Variants in STMND1 observed in about 807,000 individuals in gnomAD.
STMND1 encodes the protein stathmin domain containing 1, also known as stathmin domain-containing protein 1.
STMND1 carries 17 observed loss-of-function variants against 23.0 expected under a neutral mutation model. The ratio of observed to expected loss-of-function variants is 0.74; its 90% CI spans 0.51 to 1.11. The LOEUF (loss-of-function observed/expected upper bound fraction) is 1.11. Ranked by LOEUF, STMND1 falls within the 50% of genes least tolerant of loss-of-function variation. STMND1 has a pLI of 0.00. For synonymous variants in STMND1, 114 were observed against 119.9 expected, an observed-to-expected ratio of 0.95 and a Z score of 0.32; for missense variants, 305 against 329.1, an observed-to-expected ratio of 0.93 and a Z score of 0.57.
intron 4 of STMND1, among the ~76,000 whole-genome samples, chr6:17,129,647 A>C (rs1226449590): frequency 1.3e-5 from 2 of 152,056 alleles, no homozygotes; most frequent in Non-Finnish European, 2.9e-5. Context: ...GATTGAGACC[A>C]TCCTGGCTAA....
chr6:17,104,885 TG>T (rs2113470564), intron 1 of STMND1, among the ~76,000 whole-genome samples: 2 of 152,322 alleles, frequency 1.3e-5, no homozygotes, highest in Admixed American at 1.3e-4. Flanking sequence ...ATTTGTAAAA[TG>T]AGGGCAGTAA....
At chr6:17,103,556 G>T (rs1760972089) in intron 1 of STMND1, among the ~76,000 whole-genome samples, 2 of 145,298 alleles carry the variant, frequency 1.4e-5, no homozygotes, top group Non-Finnish European at 3.0e-5. Context: ...TCTGTATAGG[G>T]ACCCATTACC....
rs765701384 is a variant in STMND1 at position 17,102,369 on chromosome 6, A to AACAGACAG, written c.81+33_81+40dup. 7.5e-4 allele frequency: 1,138 copies of AACAGACAG among 1,508,488 alleles called. 57 individuals carry two copies. Among genetic ancestry groups the AACAGACAG allele is most frequent in the Non-Finnish European group, 9.3e-4 (1,052 of 1,126,730 alleles). The allele number at this position is 1,508,488 out of a possible 1,614,324, so 93.4% of individuals were successfully genotyped here. ...AAACAAACAAACAAACAAACAAACA[A>AACAGACAG]ACAGACAGAAAGCCTTTTGCCTGGG... On this transcript the variant is annotated intron_variant, in intron 1 of 4. Transcript: ENST00000536551.
At chr6:17,123,222 C>G (rs1477077461) in intron 3 of STMND1, among the ~76,000 whole-genome samples, 1 of 152,072 alleles carries the variant, frequency 6.6e-6, no homozygotes, top group African/African-American at 2.4e-5. Context: ...AAAATAATAA[C>G]TGTGGGCTGG....
intron 3 of STMND1, chr6:17,128,080 T>C (rs2113495484): frequency 6.6e-6 from 1 of 152,336 alleles, no homozygotes; most frequent in South Asian, 2.1e-4. Context: ...AGATGATTTA[T>C]GTATCAGTTA....
rs185396160 is a variant in STMND1, at chr6:17,104,092, T to G, written c.81+1754T>G. 2.6e-5 allele frequency among the ~76,000 whole-genome samples: 4 copies of G among 152,288 alleles called. No individual in the cohort carries two copies. The East Asian group carries it at 7.7e-4, about 29-fold the overall frequency. On this transcript the variant is annotated intron_variant, in intron 1 of 4. Coordinates refer to ENST00000536551, the MANE Select transcript of STMND1 (RefSeq NM_001190766.2). ...TTGGATCTGCTAAACCAAATGACTC[T>G]CAGGGCTCAGTTCTTCCAGGCATCT...
chr6:17,107,459 A>T (rs545044235), intron 1 of STMND1, among the ~76,000 whole-genome samples: 1 of 152,346 alleles, frequency 6.6e-6, no homozygotes, highest in East Asian at 1.9e-4. Context: ...AGTTCATAAA[A>T]TGTAGAAACA....
At chr6:17,116,753 A>G (rs1405135229) in intron 2 of STMND1, among the ~76,000 whole-genome samples, 1 of 152,166 alleles carries the variant, frequency 6.6e-6, no homozygotes, top group Admixed American at 6.5e-5. Flanking sequence ...ATATTTCTTA[A>G]GACTATCAAG....
In STMND1 at chr6:17,115,210, T is replaced by A. The variant is rs1581369749; in HGVS notation, c.259+71T>A. The A allele has an allele frequency of 1.6e-5, 22 of 1,406,472 alleles. No individual in the cohort carries two copies. The East Asian group carries it at 5.6e-4, about 36-fold the overall frequency. 87.1% of individuals were successfully genotyped at this position (1,406,472 alleles called of 1,614,324 possible). ...GTTTCTCTAAATACGTTTACAAGGTTTCTTTGGTGGTCCTTTTATCATTGC... is the reference window on the plus strand; with the variant it reads ...GTTTCTCTAAATACGTTTACAAGGTATCTTTGGTGGTCCTTTTATCATTGC... On this transcript the variant is annotated intron_variant, in intron 2 of 4. Transcript: ENST00000536551.
At chr6:17,109,291 A>G (rs1033813725) in intron 1 of STMND1, among the ~76,000 whole-genome samples, 1 of 152,224 alleles carries the variant, frequency 6.6e-6, no homozygotes, top group Non-Finnish European at 1.5e-5. Context: ...CCTCAACACA[A>G]TGAACTGATA....
chr6:17,115,704 T>C (rs1248987724), intron 2 of STMND1, among the ~76,000 whole-genome samples: 1 of 152,224 alleles, frequency 6.6e-6, no homozygotes, highest in African/African-American at 2.4e-5. Context: ...CTGGTGTCCA[T>C]TTAAGTCATC....
chr6:17,125,216 A>G (rs952477213), intron 3 of STMND1, among the ~76,000 whole-genome samples: 1 of 152,048 alleles, frequency 6.6e-6, no homozygotes, highest in Non-Finnish European at 1.5e-5. Flanking sequence ...TTAAGAAGGT[A>G]AGTATCAGAT....
chr6:17,118,197 G>C (rs945216921), intron 2 of STMND1, among the ~76,000 whole-genome samples: 1 of 152,028 alleles, frequency 6.6e-6, no homozygotes, highest in African/African-American at 2.4e-5. Context: ...AAATTCACCC[G>C]TGTTTTCTTG....
intron 1 of STMND1, chr6:17,110,925 A>T (rs1561922416): frequency 2.2e-6 from 1 of 454,944 alleles, no homozygotes; most frequent in East Asian, 7.0e-5. Flanking sequence ...CATCCATTGA[A>T]ATGAGAAGTG....
At chr6:17,107,126 C>A (rs993690617) in intron 1 of STMND1, among the ~76,000 whole-genome samples, 2 of 152,078 alleles carry the variant, frequency 1.3e-5, no homozygotes, top group African/African-American at 4.8e-5. Context: ...TGTCTATAGA[C>A]AAATATATTC....
chr6:17,102,488 C>A, intron 1 of STMND1, 150 bp downstream of exon 1: 1 of 756,552 alleles, frequency 1.3e-6, no homozygotes, highest in Non-Finnish European at 2.1e-6. Context: ...TTTATTCTGC[C>A]GGTGTTTAAC....
intron 1 of STMND1, among the ~76,000 whole-genome samples, chr6:17,112,852 G>A (rs1440542712): frequency 6.6e-6 from 1 of 152,110 alleles, no homozygotes; most frequent in Non-Finnish European, 1.5e-5. Flanking sequence ...CTTTCAAAGT[G>A]TTTTCTAAAG....
At chr6:17,117,667 C>T (rs1377054026) in intron 2 of STMND1, among the ~76,000 whole-genome samples, 21 of 49,572 alleles carry the variant, frequency 4.2e-4, no homozygotes, top group South Asian at 2.2e-3. Flanking sequence ...TTGGGTTACG[C>T]TTTTTTTTTT....
At chr6:17,128,816 G>A (rs1333604155) in intron 3 of STMND1, 5 of 221,390 alleles carry the variant, frequency 2.3e-5, no homozygotes, top group Non-Finnish European at 2.7e-5. Flanking sequence ...GGGCTCAAGC[G>A]ATCCTCCACC....
Sources: allele counts gnomAD v4.1 joint callset (sites outside exome capture counted in the v4.1 genomes callset), GRCh38; gene constraint gnomAD v4.1.1; transcripts MANE v1.5; gene names NCBI Gene and HGNC (gene_info 2026-07-23, HGNC 2026-07-21).